RBPJ: variants seen among roughly 807,000 people sequenced by gnomAD.
The protein encoded by RBPJ is recombination signal binding protein for immunoglobulin kappa J region, also known as recombining binding protein suppressor of hairless.
A neutral mutation model predicts 67.8 loss-of-function variants in RBPJ; 9 were observed. The ratio of observed to expected loss-of-function variants is 0.13; its 90% confidence interval spans 0.08 to 0.23. The LOEUF is 0.23. Among genes scored for constraint, RBPJ ranks in the 10% least tolerant of loss-of-function variants. The pLI, the probability that RBPJ is intolerant of heterozygous loss-of-function variation, is 1.00. For synonymous variants in RBPJ, 198 were observed against 203.3 expected (o/e 0.97, Z 0.22); for missense variants, 305 against 595.6 (o/e 0.51, Z 5.08).
intron 1 of RBPJ, among the ~76,000 whole-genome samples, chr4:26,173,914 A>C (rs1338771139): frequency 6.6e-6 from 1 of 152,212 alleles, no homozygotes; most frequent in Non-Finnish European, 1.5e-5. Context: ...TAAGCGCAAT[A>C]GGAGAGGTGT....
At chr4:26,203,505 T>C (rs139962279) in intron 1 of RBPJ, among the ~76,000 whole-genome samples, 1 of 152,322 alleles carries the variant, frequency 6.6e-6, no homozygotes, top group East Asian at 1.9e-4. Context: ...TTTATTTATC[T>C]CTGTGCTGTC....
At chr4:26,197,292 A>G (rs1717802552) in intron 1 of RBPJ, among the ~76,000 whole-genome samples, 1 of 152,124 alleles carries the variant, frequency 6.6e-6, no homozygotes, top group Non-Finnish European at 1.5e-5. Context: ...GGGACCCAGG[A>G]CCACCTTTCC....
chr4:26,149,575 CATT>C, the RBPJ span, among the ~76,000 whole-genome samples: 1 of 152,138 alleles, frequency 6.6e-6, no homozygotes, highest in African/African-American at 2.4e-5. Context: ...AGATTAATGT[CATT>C]ATCTTGGGAG....
At chr4:26,336,267 A>G (rs1459296485) in intron 1 of RBPJ, among the ~76,000 whole-genome samples, 1 of 152,180 alleles carries the variant, frequency 6.6e-6, no homozygotes, top group Admixed American at 6.5e-5. Flanking sequence ...TTTTCTTGAC[A>G]TGCTCATGTC....
the RBPJ span, among the ~76,000 whole-genome samples, chr4:26,150,555 A>C: frequency 1.3e-5 from 2 of 152,242 alleles, no homozygotes; most frequent in Non-Finnish European, 2.9e-5. Flanking sequence ...CTAGCTGTGC[A>C]GCCTTACGGA....
At chr4:26,112,572 A>G in the RBPJ span, 13 of 128,746 alleles carry the variant, frequency 1.0e-4, no homozygotes, top group Admixed American at 9.9e-4. Context: ...TTTTTTACAA[A>G]TAAGAGTTAA....
chr4:26,271,521 C>T (rs1328834088), intron 1 of RBPJ, among the ~76,000 whole-genome samples: 2 of 152,000 alleles, frequency 1.3e-5, no homozygotes, highest in Admixed American at 6.6e-5. Context: ...CCAGTCTCCT[C>T]TCCTGTGATC....
At chr4:26,349,320 C>T (rs1421607671) in intron 1 of RBPJ, among the ~76,000 whole-genome samples, 2 of 152,212 alleles carry the variant, frequency 1.3e-5, no homozygotes, top group Non-Finnish European at 2.9e-5. Context: ...GATCCTCCCA[C>T]CTCAGCGTCC....
rs567730881 is a variant in RBPJ at position 26,349,723 on chromosome 4, A to G, written c.20+28675A>G. 4.0e-4 allele frequency among the ~76,000 whole-genome samples: 61 copies of G among 152,368 alleles called. 1 individual carries two copies. The South Asian group carries it at 0.012, about 29-fold the overall frequency. On this transcript the variant is annotated intron_variant, in intron 1 of 10. Coordinates refer to ENST00000355476, the MANE Select transcript of RBPJ (RefSeq NM_015874.6). ...ACTTCTAAGTGCTTTACCAGGAGAT[A>G]AACAGCAGACCTCCATGTGGTATAA...
intron 1 of RBPJ, among the ~76,000 whole-genome samples, chr4:26,209,957 T>C (rs1181653722): frequency 2.0e-5 from 3 of 151,966 alleles, no homozygotes; most frequent in Non-Finnish European, 2.9e-5. Context: ...AGTTTTGCTC[T>C]TTTGGTAACA....
At chr4:26,294,254 T>C (rs1448069288) in intron 1 of RBPJ, among the ~76,000 whole-genome samples, 1 of 151,934 alleles carries the variant, frequency 6.6e-6, no homozygotes, top group African/African-American at 2.4e-5. Flanking sequence ...CCTGCCACCA[T>C]GCCTGGCTAA....
chr4:26,406,697 C>T (rs994252463), intron 3 of RBPJ, among the ~76,000 whole-genome samples: 3 of 152,192 alleles, frequency 2.0e-5, no homozygotes, highest in African/African-American at 7.2e-5. Context: ...TTGCTACTAA[C>T]ATAAAACTTT....
chr4:26,334,038 C>G (rs1023274248), intron 1 of RBPJ, among the ~76,000 whole-genome samples: 1 of 151,370 alleles, frequency 6.6e-6, no homozygotes, highest in Non-Finnish European at 1.5e-5. Flanking sequence ...TCCAACTTTT[C>G]TGCCTTTTCT....
intron 1 of RBPJ, among the ~76,000 whole-genome samples, chr4:26,256,531 A>T (rs1720349098): frequency 6.6e-6 from 1 of 152,188 alleles, no homozygotes; most frequent in African/African-American, 2.4e-5. Flanking sequence ...TTTAGTTTAT[A>T]ATATTCCAGA....
At chr4:26,160,137 C>T (rs1381883399), upstream of RBPJ, among the ~76,000 whole-genome samples, 2 of 152,122 alleles carry the variant, frequency 1.3e-5, no homozygotes, top group African/African-American at 4.8e-5. Context: ...CCAGGGTGGT[C>T]TCGATCTCCT....
At chr4:26,423,813 A>G (rs537267339) in intron 5 of RBPJ, among the ~76,000 whole-genome samples, 3 of 152,340 alleles carry the variant, frequency 2.0e-5, no homozygotes, top group East Asian at 3.9e-4. Context: ...ATGCAGAGGC[A>G]TTTACCATCA....
the RBPJ span, among the ~76,000 whole-genome samples, chr4:26,139,671 A>C: frequency 6.6e-6 from 1 of 151,722 alleles, no homozygotes; most frequent in Non-Finnish European, 1.5e-5. Flanking sequence ...GGAGCCTGGC[A>C]TTGCACAGAG....
chr4:26,253,490 T>C (rs1156702099), intron 1 of RBPJ, among the ~76,000 whole-genome samples: 2 of 150,608 alleles, frequency 1.3e-5, no homozygotes, highest in Admixed American at 6.6e-5. Flanking sequence ...TTTTTGTATT[T>C]TTAGTAGAGA....
chr4:26,329,089 G>C (rs1010028424), intron 1 of RBPJ, among the ~76,000 whole-genome samples: 1 of 152,178 alleles, frequency 6.6e-6, no homozygotes, highest in Non-Finnish European at 1.5e-5. Context: ...TGCCTCCCGG[G>C]TTCAAATGAT....
Sources: gnomAD v4.1 joint callset for allele counts (sites outside exome capture counted in the v4.1 genomes callset) on GRCh38, gnomAD v4.1.1 for gene constraint, MANE v1.5 for transcripts, NCBI Gene and HGNC (gene_info 2026-07-23, HGNC 2026-07-21) for gene names.